EYS: variants seen among roughly 807,000 people sequenced by gnomAD.
The protein encoded by EYS is protein eyes shut homolog.
EYS carries 250 observed loss-of-function variants against 282.1 expected under a neutral mutation model. The ratio of observed to expected loss-of-function variants is 0.89; its 90% CI spans 0.80 to 0.98. The LOEUF (loss-of-function observed/expected upper bound fraction) is 0.98, where lower values mean the gene tolerates loss of function less well. EYS is among the 50% of genes least tolerant of loss of function. EYS has a pLI of 0.00. For missense variants in EYS, 4,016 were observed against 3,709.0 expected (o/e 1.08, Z -2.15); for synonymous variants, 1,355 against 1,282.9 (o/e 1.06, Z -1.20).
At chr6:64,862,151 T>C (rs531019362) in intron 19 of EYS, among the ~76,000 whole-genome samples, 1 of 152,236 alleles carries the variant, frequency 6.6e-6, no homozygotes, top group Non-Finnish European at 1.5e-5. Context: ...TGATTTCGCA[T>C]GTGAAGTCAG....
intron 29 of EYS, among the ~76,000 whole-genome samples, chr6:64,343,042 C>G (rs1293668631): frequency 1.3e-5 from 2 of 152,070 alleles, no homozygotes; most frequent in East Asian, 1.9e-4. Context: ...ACAGGAGCAC[C>G]CAGATTCATA....
intron 22 of EYS, among the ~76,000 whole-genome samples, chr6:64,785,379 T>G (rs1773984205): frequency 6.6e-6 from 1 of 152,166 alleles, no homozygotes; most frequent in African/African-American, 2.4e-5. Context: ...TAGCCAAATC[T>G]TGCTGGCCTA....
At chr6:64,250,220 A>G (rs555925772) in intron 30 of EYS, among the ~76,000 whole-genome samples, 1 of 152,312 alleles carries the variant, frequency 6.6e-6, no homozygotes, top group East Asian at 1.9e-4. Context: ...AGAAAAGTGG[A>G]AACTTGAGCA....
At chr6:64,935,764 T>C (rs1768886707) in intron 15 of EYS, among the ~76,000 whole-genome samples, 1 of 151,652 alleles carries the variant, frequency 6.6e-6, no homozygotes, top group Non-Finnish European at 1.5e-5. Flanking sequence ...CCAAAAAAAG[T>C]ATAGCATATC....
chr6:65,230,446 C>T (rs1049137913), intron 12 of EYS, among the ~76,000 whole-genome samples: 4 of 151,872 alleles, frequency 2.6e-5, no homozygotes, highest in African/African-American at 9.7e-5. Flanking sequence ...TAGTTTTCCC[C>T]CCAGAAGATT....
chr6:65,597,725 T>G (rs2149788121), intron 2 of EYS, among the ~76,000 whole-genome samples: 1 of 152,046 alleles, frequency 6.6e-6, no homozygotes, highest in Admixed American at 6.6e-5. Context: ...ATATCAACAT[T>G]ATCCAAGACC....
intron 35 of EYS, among the ~76,000 whole-genome samples, chr6:63,911,069 G>T (rs1764232291): frequency 6.6e-6 from 1 of 150,524 alleles, no homozygotes; most frequent in Non-Finnish European, 1.5e-5. Flanking sequence ...CACAGATTAT[G>T]ATATTGCTTA....
At chr6:64,459,071 T>C (rs1345375314) in intron 26 of EYS, among the ~76,000 whole-genome samples, 1 of 152,234 alleles carries the variant, frequency 6.6e-6, no homozygotes, top group Non-Finnish European at 1.5e-5. Context: ...TACCAGTGAG[T>C]TCCAAAATGT....
intron 5 of EYS, among the ~76,000 whole-genome samples, chr6:65,452,307 A>G (rs9345635): frequency 1.3e-5 from 2 of 151,660 alleles, no homozygotes; most frequent in African/African-American, 4.8e-5. Context: ...ATTTTAAAGA[A>G]AGAAGTAAGA....
intron 1 of EYS, among the ~76,000 whole-genome samples, chr6:65,644,018 T>A (rs1018959161): frequency 1.6e-4 from 25 of 152,002 alleles, no homozygotes; most frequent in Admixed American, 1.5e-3. Context: ...CAAGGTTTTT[T>A]AACACCCTTA....
At chr6:65,103,696 A>C (rs1774955848) in intron 12 of EYS, among the ~76,000 whole-genome samples, 1 of 151,664 alleles carries the variant, frequency 6.6e-6, no homozygotes, top group Non-Finnish European at 1.5e-5. Context: ...TTATCCCATT[A>C]GATCTTTTTT....
intron 26 of EYS, among the ~76,000 whole-genome samples, chr6:64,567,177 C>T (rs1209593944): frequency 1.3e-5 from 2 of 151,742 alleles, no homozygotes; most frequent in African/African-American, 4.8e-5. Flanking sequence ...ACCAAAAATG[C>T]AATAACGCAT....
At chr6:65,568,361 G>A (rs1393157732) in intron 2 of EYS, among the ~76,000 whole-genome samples, 2 of 147,482 alleles carry the variant, frequency 1.4e-5, no homozygotes, top group Non-Finnish European at 3.0e-5. Flanking sequence ...ATAACTCGTT[G>A]GAAAGTTGGG....
intron 12 of EYS, among the ~76,000 whole-genome samples, chr6:65,268,523 T>C (rs1223134810): frequency 2.0e-5 from 3 of 152,056 alleles, no homozygotes; most frequent in African/African-American, 7.2e-5. Flanking sequence ...AATAAAGTCA[T>C]TGATAAAAAT....
chr6:64,427,594 C>A (rs1774449969), intron 28 of EYS, among the ~76,000 whole-genome samples: 2 of 152,024 alleles, frequency 1.3e-5, no homozygotes, highest in Admixed American at 6.6e-5. Context: ...ATTTGACTAT[C>A]CTTTTTGAGA....
At chr6:63,830,208 C>G (rs370577731) in intron 36 of EYS, among the ~76,000 whole-genome samples, 14 of 152,144 alleles carry the variant, frequency 9.2e-5, no homozygotes, top group Admixed American at 2.6e-4. Context: ...CAAAGCTGGA[C>G]GGAGATGACT....
intron 2 of EYS, among the ~76,000 whole-genome samples, chr6:65,637,171 G>A (rs771659294): frequency 9.2e-5 from 14 of 152,096 alleles, no homozygotes; most frequent in Non-Finnish European, 1.3e-4. Flanking sequence ...ATTTAAAAAC[G>A]ATAAAGGCAG....
rs745932467 is a variant in EYS, at chr6:65,335,068, C to G, written c.1678G>C (p.Gly560Arg). 3 of 1,611,876 alleles carry G rather than the reference C, an allele frequency of 1.9e-6. No homozygotes were observed. The African/African-American group carries it at 4.0e-5, about 22-fold the overall frequency. ...GTTGTATTTTCCAGATACATGTTGC[C>G]AGCCCATCTGAGAAAACATAGATAC... Reference protein sequence around the residue: ...YRYLCFLRWAGNMYLENTTDD... With the variant: ...YRYLCFLRWARNMYLENTTDD... Residue 560 changes from glycine to arginine, a missense_variant, in exon 11 of 43, where the codon GGC becomes CGC. By Grantham distance (125) the Gly-to-Arg change is moderately radical. Transcript: ENST00000503581.
chr6:64,552,462 A>C (rs757006092), intron 26 of EYS, among the ~76,000 whole-genome samples: 5 of 152,152 alleles, frequency 3.3e-5, no homozygotes, highest in Non-Finnish European at 7.3e-5. Context: ...GTTTGACAAG[A>C]AACATTTACA....
Sources: gnomAD v4.1 joint callset for allele counts (sites outside exome capture counted in the v4.1 genomes callset) on GRCh38, gnomAD v4.1.1 for gene constraint, MANE v1.5 for transcripts, NCBI Gene and HGNC (gene_info 2026-07-23, HGNC 2026-07-21) for gene names.